PAK5: variants seen among roughly 807,000 people sequenced by gnomAD.
The protein encoded by PAK5 is p21 (RAC1) activated kinase 5.
A neutral mutation model predicts 65.9 loss-of-function variants in PAK5; 16 were observed. The ratio of observed to expected loss-of-function variants is 0.24; its 90% CI spans 0.16 to 0.37. The LOEUF (loss-of-function observed/expected upper bound fraction) is 0.37, where lower values mean the gene tolerates loss of function less well. Among genes scored for constraint, PAK5 ranks in the 10% least tolerant of loss-of-function variants. The probability of loss-of-function intolerance (pLI) is 1.00; values close to 1 mark genes in which losing one functional copy is unlikely to be tolerated. For synonymous variants in PAK5, 371 were observed against 354.9 expected (o/e 1.05, Z -0.51); for missense variants, 785 against 903.9 (o/e 0.87, Z 1.69).
intron 3 of PAK5, among the ~76,000 whole-genome samples, chr20:9,632,975 C>T (rs376400972): frequency 2.6e-5 from 4 of 152,124 alleles, no homozygotes; most frequent in East Asian, 3.9e-4. Flanking sequence ...CTTTCTAAGA[C>T]TTGCTTTCCT....
chr20:9,792,241 T>C (rs977088793), intron 1 of PAK5, among the ~76,000 whole-genome samples: 6 of 152,142 alleles, frequency 3.9e-5, no homozygotes, highest in African/African-American at 1.4e-4. Flanking sequence ...ATTTAAAGGA[T>C]CATTCCAAGT....
At chr20:9,757,165 T>C (rs2048644277) in intron 1 of PAK5, among the ~76,000 whole-genome samples, 1 of 152,278 alleles carries the variant, frequency 6.6e-6, no homozygotes, top group South Asian at 2.1e-4. Context: ...CTCAATAAAC[T>C]ATACTTGTGT....
At chr20:9,618,403 C>CTTT (rs58376139) in intron 3 of PAK5, among the ~76,000 whole-genome samples, 36 of 129,768 alleles carry the variant, frequency 2.8e-4, no homozygotes, top group East Asian at 6.7e-4. Flanking sequence ...CGGCCTGGAA[C>CTTT]TTTTTTTTTT....
chr20:9,739,563 ACTTT>A (rs1362408092), intron 1 of PAK5, among the ~76,000 whole-genome samples: 1 of 152,048 alleles, frequency 6.6e-6, no homozygotes, highest in East Asian at 1.9e-4. Flanking sequence ...TTTATGCTAT[ACTTT>A]CTTTTGATTT....
chr20:9,792,027 G>A (rs1302654453), intron 1 of PAK5, among the ~76,000 whole-genome samples: 5 of 152,108 alleles, frequency 3.3e-5, no homozygotes, highest in African/African-American at 1.2e-4. Context: ...CCATATCATT[G>A]TTCTTATTTA....
chr20:9,549,650 G>A (rs1241163925), intron 7 of PAK5, among the ~76,000 whole-genome samples: 1 of 152,188 alleles, frequency 6.6e-6, no homozygotes, highest in East Asian at 1.9e-4. Flanking sequence ...TCTGCCAAGA[G>A]GAAAAATTGA....
intron 2 of PAK5, among the ~76,000 whole-genome samples, chr20:9,653,381 C>G (rs905272780): frequency 2.6e-5 from 4 of 152,164 alleles, no homozygotes; most frequent in Non-Finnish European, 5.9e-5. Context: ...GAGCCCAAAC[C>G]TCTCTCTTAA....
At chr20:9,723,621 T>A (rs2048242351) in intron 1 of PAK5, among the ~76,000 whole-genome samples, 2 of 152,208 alleles carry the variant, frequency 1.3e-5, no homozygotes, top group East Asian at 1.9e-4. Context: ...CAAATACTTG[T>A]GCATTTCGAA....
intron 1 of PAK5, among the ~76,000 whole-genome samples, chr20:9,715,572 T>C (rs2048134236): frequency 6.6e-6 from 1 of 152,092 alleles, no homozygotes; most frequent in African/African-American, 2.4e-5. Flanking sequence ...TTATAAATCA[T>C]GCTGCTATAA....
intron 3 of PAK5, among the ~76,000 whole-genome samples, chr20:9,641,362 G>A (rs1394273579): frequency 6.8e-6 from 1 of 147,110 alleles, no homozygotes; most frequent in African/African-American, 2.7e-5. Flanking sequence ...GATACAGAGT[G>A]TCGACTGGTG....
intron 7 of PAK5, among the ~76,000 whole-genome samples, chr20:9,555,816 C>T (rs2045497396): frequency 6.6e-6 from 1 of 152,302 alleles, no homozygotes; most frequent in East Asian, 1.9e-4. Flanking sequence ...GGGCTTGCCT[C>T]CTTTGGTGCT....
At chr20:9,595,068 CACACATATACATATATATAT>C (rs1241818502) in intron 3 of PAK5, among the ~76,000 whole-genome samples, 3 of 151,062 alleles carry the variant, frequency 2.0e-5, no homozygotes, top group Non-Finnish European at 4.4e-5. Flanking sequence ...TGTACATATA[CACACATATACATATATATAT>C]ACACATATAC....
intron 1 of PAK5, among the ~76,000 whole-genome samples, chr20:9,726,745 A>T (rs1415752283): frequency 6.6e-6 from 1 of 152,156 alleles, no homozygotes; most frequent in African/African-American, 2.4e-5. Flanking sequence ...TGACGGGTTG[A>T]TGGGTGCAGC....
In PAK5 at chr20:9,580,423, T is replaced by C; in HGVS notation, c.712A>G (p.Arg238Gly). ...LDYSFQFTPS[R>G]TAGTSGCSKE... ...GAGCACCCGCTGGTCCCTGCAGTTC[T>C]AGAAGGTGTGAATTGGAATGAATAA... Residue 238 changes from arginine (R) to glycine (G), a missense_variant, in exon 4 of 10, where the codon AGA becomes GGA. By Grantham distance (125) the Arg-to-Gly change is moderately radical. Transcript: ENST00000353224. The C allele has an allele frequency of 6.2e-7, 1 of 1,614,094 alleles. No homozygotes were observed. Among genetic ancestry groups the C allele is most frequent in the Non-Finnish European group, 8.5e-7 (1 of 1,180,014 alleles).
intron 1 of PAK5, among the ~76,000 whole-genome samples, chr20:9,792,472 A>C (rs888439914): frequency 1.3e-5 from 2 of 152,180 alleles, no homozygotes; most frequent in African/African-American, 4.8e-5. Context: ...TATACTCCCC[A>C]GTCCATGACA....
At chr20:9,759,725 G>A (rs2048676910) in intron 1 of PAK5, among the ~76,000 whole-genome samples, 1 of 152,082 alleles carries the variant, frequency 6.6e-6, no homozygotes, top group East Asian at 1.9e-4. Flanking sequence ...AACCCACAAC[G>A]TTTACCCAAA....
intron 2 of PAK5, among the ~76,000 whole-genome samples, chr20:9,699,020 A>G (rs1039335002): frequency 6.6e-6 from 1 of 152,166 alleles, no homozygotes; most frequent in African/African-American, 2.4e-5. Flanking sequence ...TTGAGTAGTG[A>G]TGTTTGAATA....
chr20:9,832,678 A>G (rs1208124745), intron 1 of PAK5, among the ~76,000 whole-genome samples: 1 of 152,244 alleles, frequency 6.6e-6, no homozygotes, highest in Non-Finnish European at 1.5e-5. Flanking sequence ...CATCCTTGCC[A>G]GTATTAAGTT....
intron 3 of PAK5, 24 bp downstream of exon 3, chr20:9,644,101 C>A: frequency 6.3e-7 from 1 of 1,587,712 alleles, no homozygotes; most frequent in Non-Finnish European, 8.6e-7. Flanking sequence ...TTAAGCCCAG[C>A]CAAAGATGGA....
Sources: allele counts gnomAD v4.1 joint callset (sites outside exome capture counted in the v4.1 genomes callset), GRCh38; gene constraint gnomAD v4.1.1; transcripts MANE v1.5; gene names NCBI Gene and HGNC (gene_info 2026-07-23, HGNC 2026-07-21).